Variants in SLC2A13 observed in about 807,000 individuals in gnomAD.
The protein encoded by SLC2A13 is solute carrier family 2 member 13.
SLC2A13 carries 32 observed loss-of-function variants against 64.4 expected under a neutral mutation model. The observed-to-expected ratio is 0.50, with a 90% CI of 0.37 to 0.67. SLC2A13 has a LOEUF of 0.67. Among genes scored for constraint, SLC2A13 ranks in the 30% least tolerant of loss-of-function variants. The pLI, the probability that SLC2A13 is intolerant of heterozygous loss-of-function variation, is 0.00. For missense variants in SLC2A13, 743 were observed against 829.2 expected (o/e 0.90, Z 1.28); for synonymous variants, 338 against 327.1 (o/e 1.03, Z -0.36).
At chr12:39,926,385 C>T (rs939816415) in intron 4 of SLC2A13, among the ~76,000 whole-genome samples, 15 of 152,028 alleles carry the variant, frequency 9.9e-5, no homozygotes, top group African/African-American at 3.6e-4. Context: ...AGAATGCTAC[C>T]CAGACTTTTA....
chr12:40,021,179 G>A (rs1947709368), intron 3 of SLC2A13, among the ~76,000 whole-genome samples: 1 of 152,142 alleles, frequency 6.6e-6, no homozygotes, highest in African/African-American at 2.4e-5. Flanking sequence ...AAGCCTACAA[G>A]TAATCTGAAA....
rs572680251 is a variant in SLC2A13, at chr12:39,853,881, T to C, written c.1319+10881A>G. The stretch of plus-strand genomic sequence containing the variant: ...TTTATGTTAGTTCAATTAAATGGCA[T>C]GTGTAGTGAGGGTAAAATTTCATTA... On this transcript the variant is annotated intron_variant, in intron 6 of 9. Coordinates refer to ENST00000280871, the MANE Select transcript of SLC2A13 (RefSeq NM_052885.4). Among the ~76,000 whole-genome samples, 143 of 152,288 alleles carry C rather than the reference T, an allele frequency of 9.4e-4. 2 individuals are homozygous for C. Among genetic ancestry groups the C allele is most frequent in the African/African-American group, 3.2e-3 (132 of 41,564 alleles).
intron 4 of SLC2A13, among the ~76,000 whole-genome samples, chr12:39,923,009 T>C (rs564540620): frequency 1.3e-5 from 2 of 152,340 alleles, no homozygotes; most frequent in South Asian, 4.1e-4. Flanking sequence ...AATACTTCTA[T>C]ACTAATGATA....
Position 39,864,829 on chromosome 12 carries a change from CTT to C in SLC2A13, c.1250_1251del (p.Gln417ArgfsTer8). 1 of 1,613,900 alleles carries C rather than the reference CTT, an allele frequency of 6.2e-7. No individual in the cohort carries two copies. On this transcript the variant is annotated frameshift_variant, in exon 6 of 10. Coordinates refer to ENST00000280871, the MANE Select transcript of SLC2A13 (RefSeq NM_052885.4). LOFTEE classifies it high-confidence loss of function. ...ILALGFVLSA[Q>X]VSPRITFKPI... ...GGCTTAAAAGTGATGCGTGGGGAAA[CTT>C]GGGCTGATAGCACAAATCCCAAGGC...
chr12:39,913,830 A>T, intron 4 of SLC2A13, among the ~76,000 whole-genome samples: 1 of 152,012 alleles, frequency 6.6e-6, no homozygotes, highest in East Asian at 1.9e-4. Context: ...CTAAGCCAAT[A>T]TGAAAAGAAT....
At chr12:40,085,932 T>C in intron 1 of SLC2A13, among the ~76,000 whole-genome samples, 1 of 152,102 alleles carries the variant, frequency 6.6e-6, no homozygotes, top group East Asian at 1.9e-4. Context: ...TAGAGTGCAG[T>C]GGCACAATCC....
At chr12:39,919,463 A>G (rs1318298872) in intron 4 of SLC2A13, among the ~76,000 whole-genome samples, 1 of 152,116 alleles carries the variant, frequency 6.6e-6, no homozygotes, top group Admixed American at 6.6e-5. Context: ...TACTTTTACC[A>G]ATATATTTCA....
At chr12:39,926,879 T>C (rs1945739999) in intron 4 of SLC2A13, among the ~76,000 whole-genome samples, 1 of 152,140 alleles carries the variant, frequency 6.6e-6, no homozygotes, top group African/African-American at 2.4e-5. Context: ...CCTCCCAAAG[T>C]GTTGGGAAAA....
At chr12:40,103,107 C>T (rs1449578984) in intron 1 of SLC2A13, among the ~76,000 whole-genome samples, 1 of 152,178 alleles carries the variant, frequency 6.6e-6, no homozygotes, top group African/African-American at 2.4e-5. Context: ...ATTGAACCAA[C>T]CAGCCCAGAG....
chr12:39,949,627 GCT>G (rs1366913510), intron 4 of SLC2A13: 1 of 152,126 alleles, frequency 6.6e-6, no homozygotes, highest in Non-Finnish European at 1.5e-5. Flanking sequence ...ACTAGAGTTG[GCT>G]CTGTTTGTGA....
At chr12:40,035,296 C>T (rs575312624) in intron 2 of SLC2A13, among the ~76,000 whole-genome samples, 1 of 152,262 alleles carries the variant, frequency 6.6e-6, no homozygotes, top group East Asian at 1.9e-4. Context: ...TATGTTTCTA[C>T]TTAATGCAAA....
chr12:39,847,111 C>T (rs901573618), intron 6 of SLC2A13, among the ~76,000 whole-genome samples: 2 of 152,120 alleles, frequency 1.3e-5, no homozygotes, highest in African/African-American at 4.8e-5. Context: ...GCAAAGTTGA[C>T]TTTAGACTTC....
chr12:39,919,913 T>C (rs939677337), intron 4 of SLC2A13, among the ~76,000 whole-genome samples: 14 of 152,242 alleles, frequency 9.2e-5, no homozygotes, highest in African/African-American at 3.1e-4. Flanking sequence ...AAAGCTATTA[T>C]AGTAAATTCT....
intron 4 of SLC2A13, among the ~76,000 whole-genome samples, chr12:39,937,837 T>A (rs1275821859): frequency 2.0e-5 from 3 of 152,194 alleles, no homozygotes; most frequent in African/African-American, 7.2e-5. Flanking sequence ...TTAGATCTTA[T>A]CATCCTAAGG....
intron 4 of SLC2A13, among the ~76,000 whole-genome samples, chr12:39,885,824 C>T (rs1029750816): frequency 1.3e-5 from 2 of 152,152 alleles, no homozygotes; most frequent in South Asian, 4.1e-4. Flanking sequence ...AGTTGTCTTT[C>T]CTCTTTGTCC....
chr12:39,801,352 AAAAAAAAAG>A (rs1045735024), intron 7 of SLC2A13, among the ~76,000 whole-genome samples: 11 of 151,294 alleles, frequency 7.3e-5, no homozygotes, highest in South Asian at 4.2e-4. Flanking sequence ...AAAAAAAAAA[AAAAAAAAAG>A]AAAGAACTGA....
chr12:39,862,690 A>C (rs964299943), intron 6 of SLC2A13, among the ~76,000 whole-genome samples: 8 of 152,166 alleles, frequency 5.3e-5, no homozygotes, highest in African/African-American at 1.9e-4. Context: ...GGAAAGGGGA[A>C]ATGTATATAG....
intron 7 of SLC2A13, among the ~76,000 whole-genome samples, chr12:39,812,367 C>CTTTTCTT (rs1942194666): frequency 7.0e-6 from 1 of 142,536 alleles, no homozygotes; most frequent in Non-Finnish European, 1.5e-5. Flanking sequence ...CTTTTCTTTT[C>CTTTTCTT]TTTTCTTTTC....
Position 39,770,290 on chromosome 12 carries a change from C to T in SLC2A13, c.1446-5432G>A, listed in dbSNP as rs572863410. ...CTGATGGAATTTAGGTACCTAAGTA[C>T]CTAAAATAGCAGAGTTGCTATGAAC... is the stretch of plus-strand genomic sequence containing the variant. On this transcript the variant is annotated intron_variant, in intron 7 of 9. Transcript: ENST00000280871. 2.6e-5 allele frequency among the ~76,000 whole-genome samples: 4 copies of T among 152,194 alleles called. No homozygotes were observed. In the East Asian group the frequency reaches 7.8e-4, roughly 30 times the overall value.
Sources: allele counts gnomAD v4.1 joint callset (sites outside exome capture counted in the v4.1 genomes callset), GRCh38; gene constraint gnomAD v4.1.1; transcripts MANE v1.5; gene names NCBI Gene and HGNC (gene_info 2026-07-23, HGNC 2026-07-21).